ABCA13: variants seen among roughly 807,000 people sequenced by gnomAD.
ABCA13 encodes the protein ATP-binding cassette sub-family A member 13.
ABCA13 carries 476 observed loss-of-function variants against 478.7 expected under a neutral mutation model. That is an observed-to-expected ratio of 0.99 (90% CI 0.92 to 1.07). ABCA13 has a LOEUF of 1.07. Among genes scored for constraint, ABCA13 ranks in the 50% least tolerant of loss-of-function variants. The pLI is 0.00. For missense variants in ABCA13, 6,060 were observed against 5,910.6 expected (o/e 1.03, Z -0.83); for synonymous variants, 2,252 against 2,158.9 (o/e 1.04, Z -1.20).
chr7:48,502,121 A>G (rs73694654), intron 48 of ABCA13, among the ~76,000 whole-genome samples: 2,650 of 152,318 alleles, frequency 0.017, 70 homozygotes, highest in African/African-American at 0.06. Flanking sequence ...CAATTTCACC[A>G]TCAGATTACT....
intron 24 of ABCA13, among the ~76,000 whole-genome samples, chr7:48,311,078 C>T (rs1463231158): frequency 6.6e-6 from 1 of 152,182 alleles, no homozygotes; most frequent in Non-Finnish European, 1.5e-5. Context: ...AAGTATTTCA[C>T]AACCTCTGGG....
At chr7:48,633,036 C>T (rs1462648286) in intron 59 of ABCA13, among the ~76,000 whole-genome samples, 1 of 152,100 alleles carries the variant, frequency 6.6e-6, no homozygotes, top group Non-Finnish European at 1.5e-5. Context: ...TCAGATATGA[C>T]ACCAAAAACA....
rs757613121 is a variant in ABCA13, at chr7:48,350,764, C to T, written c.10326C>T (p.Val3442=). 6 of 1,613,770 alleles carry T rather than the reference C, an allele frequency of 3.7e-6. No individual in the cohort carries two copies. The highest frequency in any genetic ancestry group is 4.5e-5 in the East Asian group (2 of 44,882). ...ALNRFQALQS[V]DILETKAHEL... ...ACCGTTTCCAGGCTCTGCAGTCTGT[C>T]GACATCCTGGAGACTAAAGCACATG... The change falls in exon 30 of 62, where the codon GTC becomes GTT. Residue 3442 remains valine, a synonymous_variant. Coordinates refer to ENST00000435803, the MANE Select transcript of ABCA13 (RefSeq NM_152701.5).
At chr7:48,298,641 G>A (rs1799733569) in intron 23 of ABCA13, among the ~76,000 whole-genome samples, 154 bp downstream of exon 23, 1 of 152,192 alleles carries the variant, frequency 6.6e-6, no homozygotes, top group African/African-American at 2.4e-5. Context: ...GAGGCAGAAA[G>A]GAAACAAGAG....
At chr7:48,441,328 C>T (rs1350358512) in intron 42 of ABCA13, among the ~76,000 whole-genome samples, 1 of 152,116 alleles carries the variant, frequency 6.6e-6, no homozygotes, top group African/African-American at 2.4e-5. Flanking sequence ...TTTACAAAAG[C>T]CTTTCTCCTC....
chr7:48,410,654 C>T lies in ABCA13; in HGVS notation c.12205C>T (p.Leu4069Phe). 1 of 1,613,806 alleles carries T rather than the reference C, an allele frequency of 6.2e-7. No individual in the cohort carries two copies. Among genetic ancestry groups the T allele is most frequent in the Non-Finnish European group, 8.5e-7 (1 of 1,179,732 alleles). ...CCTGAAGGAGGCATATGGCCAGGGG[C>T]TCCGCCTGACACTCACGAGGCAGGT... ...FCLKEAYGQG[L>F]RLTLTRQPSV... Residue 4069 changes from leucine to phenylalanine, a missense_variant, in exon 40 of 62, where the codon CTC becomes TTC. By Grantham distance (22) the Leu-to-Phe change is conservative (BLOSUM62 0). This residue lies in a region of ABCA13 where 1,627 missense variants were observed against 1,571.0 expected (regional missense o/e 1.04). Coordinates refer to ENST00000435803, the MANE Select transcript of ABCA13 (RefSeq NM_152701.5).
chr7:48,393,238 G>A (rs1816333580), intron 38 of ABCA13, among the ~76,000 whole-genome samples: 1 of 152,206 alleles, frequency 6.6e-6, no homozygotes, highest in South Asian at 2.1e-4. Context: ...TTAATCCAGT[G>A]CTGGGGTCAT....
At chr7:48,207,903 CAA>C (rs1199830502) in intron 3 of ABCA13, among the ~76,000 whole-genome samples, 1 of 151,972 alleles carries the variant, frequency 6.6e-6, no homozygotes, top group Admixed American at 6.6e-5. Context: ...AGTGTTTCCC[CAA>C]AGTTTTATTC....
At chr7:48,266,947 T>C (rs1312395923) in intron 15 of ABCA13, among the ~76,000 whole-genome samples, 2 of 152,024 alleles carry the variant, frequency 1.3e-5, no homozygotes, top group Admixed American at 6.6e-5. Context: ...CATCTATGAG[T>C]TATTTAGAAG....
intron 54 of ABCA13, among the ~76,000 whole-genome samples, chr7:48,525,719 GT>G (rs1194487273): frequency 1.7e-5 from 1 of 60,516 alleles, no homozygotes; most frequent in African/African-American, 6.0e-5. Flanking sequence ...TGTTTATGAT[GT>G]TTTATTTTTA....
chr7:48,373,881 G>A (rs1813044787), intron 33 of ABCA13, among the ~76,000 whole-genome samples: 1 of 151,878 alleles, frequency 6.6e-6, no homozygotes, highest in Non-Finnish European at 1.5e-5. Context: ...ATGGGGTTTC[G>A]TTCTAACATA....
Position 48,594,755 on chromosome 7 carries a change from T to C in ABCA13, c.14686T>C (p.Trp4896Arg), listed in dbSNP as rs760413940. The C allele has an allele frequency of 5.6e-6, 9 of 1,613,976 alleles. No individual in the cohort carries two copies. Among genetic ancestry groups the C allele is most frequent in the Non-Finnish European group, 7.6e-6 (9 of 1,179,842 alleles). Reference protein sequence around the residue: ...GMDPCSKRYLWQTIMKEVREG... With the variant: ...GMDPCSKRYLRQTIMKEVREG... Reference sequence around the variant, plus strand: ...GGATCCCTGCTCTAAGCGGTACCTGTGGCAAACAATAATGAAGGAGGTTCG... The same window carrying C: ...GGATCCCTGCTCTAAGCGGTACCTGCGGCAAACAATAATGAAGGAGGTTCG... Residue 4896 changes from tryptophan to arginine, a missense_variant, in exon 58 of 62, where the codon TGG becomes CGG. Around this residue, in one of 3 missense-constraint regions of ABCA13, gnomAD observed 1,627 missense variants for 1,571.0 expected, o/e 1.04. Coordinates refer to ENST00000435803, the MANE Select transcript of ABCA13 (RefSeq NM_152701.5).
At chr7:48,291,501 G>A (rs1429976839) in intron 20 of ABCA13, among the ~76,000 whole-genome samples, 2 of 152,124 alleles carry the variant, frequency 1.3e-5, no homozygotes, top group Non-Finnish European at 2.9e-5. Flanking sequence ...TTTTATAAAC[G>A]TCATGTAATG....
intron 41 of ABCA13, among the ~76,000 whole-genome samples, chr7:48,422,430 T>G (rs1744173598): frequency 1.3e-5 from 2 of 152,312 alleles, no homozygotes; most frequent in Non-Finnish European, 2.9e-5. Flanking sequence ...AGAGCCTGAG[T>G]GTGAACTAGA....
intron 48 of ABCA13, among the ~76,000 whole-genome samples, chr7:48,503,504 T>C (rs958806371): frequency 6.6e-6 from 1 of 152,234 alleles, no homozygotes; most frequent in Non-Finnish European, 1.5e-5. Context: ...ATTTGACTTT[T>C]AAAAGTTCCA....
chr7:48,550,224 A>G (rs575864362), intron 55 of ABCA13, among the ~76,000 whole-genome samples: 1 of 150,900 alleles, frequency 6.6e-6, no homozygotes, highest in African/African-American at 2.4e-5. Context: ...TGCGTTTCAT[A>G]TATTTTCTTC....
At chr7:48,294,608 G>A (rs923962997) in intron 20 of ABCA13, among the ~76,000 whole-genome samples, 7 of 151,310 alleles carry the variant, frequency 4.6e-5, no homozygotes, top group African/African-American at 7.3e-5. Flanking sequence ...CACCGCGCCC[G>A]GCTAATTTTT....
In ABCA13 at chr7:48,403,845, T is replaced by C; in HGVS notation, c.12036T>C (p.His4012=). The change falls in exon 39 of 62, where the codon CAT becomes CAC. Residue 4012 remains histidine, a synonymous_variant. Transcript: ENST00000435803. ...PTSGVDPCSR[H]SLWDILLKYR... Reference sequence around the variant, plus strand: ...GTGGGGTGGACCCTTGCTCCCGGCATAGCCTGTGGGACATTCTGCTCAAGT... The same window carrying C: ...GTGGGGTGGACCCTTGCTCCCGGCACAGCCTGTGGGACATTCTGCTCAAGT... 6.2e-7 allele frequency: 1 copy of C among 1,613,666 alleles called. No homozygotes were observed. Among genetic ancestry groups the C allele is most frequent in the Non-Finnish European group, 8.5e-7 (1 of 1,179,710 alleles).
Position 48,281,423 on chromosome 7 carries a change from T to C in ABCA13, c.8807T>C (p.Met2936Thr), listed in dbSNP as rs892938756. The C allele has an allele frequency of 2.5e-6, 4 of 1,604,462 alleles. No homozygotes were observed. Among genetic ancestry groups the C allele is most frequent in the African/African-American group, 1.3e-5 (1 of 74,800 alleles). ...AMEMLQKVKMMVVRVLTIVAE... is the reference protein window; with the variant it reads ...AMEMLQKVKMTVVRVLTIVAE... ...GAGATGCTGCAGAAAGTGAAGATGA[T>C]GGTCGTACGTGTGCTCACCATCGTT... Residue 2936 changes from methionine to threonine, a missense_variant, in exon 19 of 62, where the codon ATG becomes ACG. Physicochemically the swap from Met to Thr is moderately conservative, Grantham distance 81. Coordinates refer to ENST00000435803, the MANE Select transcript of ABCA13 (RefSeq NM_152701.5).
Sources: gnomAD v4.1 joint callset for allele counts (sites outside exome capture counted in the v4.1 genomes callset) on GRCh38, gnomAD v4.1.1 for gene constraint, gnomAD v4.1.1 regional missense constraint, MANE v1.5 for transcripts, NCBI Gene and HGNC (gene_info 2026-07-23, HGNC 2026-07-21) for gene names.